The following FGF13 variants were observed in gnomAD, a reference collection of about 807,000 sequenced individuals.
FGF13 encodes the protein fibroblast growth factor homologous factor 2.
A neutral mutation model predicts 19.5 loss-of-function variants in FGF13; 2 were observed. The ratio of observed to expected loss-of-function variants is 0.10; its 90% CI spans 0.04 to 0.32. FGF13 has a LOEUF of 0.32. FGF13 is among the 10% of genes least tolerant of loss of function. The pLI is 1.00. For missense variants in FGF13, 113 were observed against 192.7 expected, an observed-to-expected ratio of 0.59 and a Z score of 2.45; for synonymous variants, 72 against 76.9, an observed-to-expected ratio of 0.94 and a Z score of 0.33.
chrX:138,857,856 A>G (rs146551556), intron 2 of FGF13, among the ~76,000 whole-genome samples: 82 of 112,169 alleles, frequency 7.3e-4, no homozygotes, highest in African/African-American at 2.5e-3. Context: ...TTAAAATACT[A>G]AAGCCGTGGA....
chrX:138,967,600 A>G (rs2091900287), intron 1 of FGF13, among the ~76,000 whole-genome samples: 1 of 110,646 alleles, frequency 9.0e-6, no homozygotes, highest in Non-Finnish European at 1.9e-5. Flanking sequence ...TCCTGCGGGG[A>G]GGGTGGATTA....
chrX:138,718,955 G>T (rs1245283991), intron 1 of FGF13, among the ~76,000 whole-genome samples: 1 of 112,079 alleles, frequency 8.9e-6, no homozygotes, highest in Admixed American at 9.4e-5. Context: ...AACATGTAAG[G>T]TAGGTATTAT....
At chrX:138,763,578 T>A (rs2090482633) in intron 3 of FGF13, among the ~76,000 whole-genome samples, 1 of 112,189 alleles carries the variant, frequency 8.9e-6, no homozygotes, top group Non-Finnish European at 1.9e-5. Flanking sequence ...AGTGTTCTGG[T>A]AACAGTTAAT....
intron 1 of FGF13, among the ~76,000 whole-genome samples, chrX:138,934,753 A>T (rs1229855626): frequency 1.8e-5 from 2 of 112,091 alleles, no homozygotes; most frequent in Non-Finnish European, 3.8e-5. Context: ...ATTGATCCTC[A>T]TCCTCATACA....
chrX:139,173,097 A>G (rs2084147068), intron 1 of FGF13, among the ~76,000 whole-genome samples: 1 of 112,288 alleles, frequency 8.9e-6, no homozygotes, highest in Non-Finnish European at 1.9e-5. Flanking sequence ...GCAAGTGCCA[A>G]CGAATACCAG....
chrX:138,999,381 A>AG (rs1256275690), intron 1 of FGF13, among the ~76,000 whole-genome samples: 2 of 111,789 alleles, frequency 1.8e-5, no homozygotes, highest in Non-Finnish European at 3.8e-5. Flanking sequence ...CCTTCAAAAA[A>AG]TCAATGAATC....
In FGF13 at chrX:139,054,960, G is replaced by C. The variant is rs144638708; in HGVS notation, c.-113+148456C>G. Among the ~76,000 whole-genome samples the C allele has an allele frequency of 4.8e-3, 519 of 107,258 alleles. 2 individuals carry two copies. Among genetic ancestry groups the C allele is most frequent in the African/African-American group, 0.017 (493 of 28,244 alleles). 93.1% of individuals were successfully genotyped at this position (107,258 alleles called of 115,157 possible). ...TTTTGCAGCTATTGTAAAAGGGGTT[G>C]AGTTCTTGATTTGATCCTCCGCTTG... is the stretch of plus-strand genomic sequence containing the variant. On this transcript the variant is annotated intron_variant, in intron 1 of 2. Transcript: ENST00000421460.
chrX:138,944,018 T>C (rs1370319764), intron 1 of FGF13, among the ~76,000 whole-genome samples: 1 of 111,533 alleles, frequency 9.0e-6, no homozygotes, highest in Non-Finnish European at 1.9e-5. Context: ...TTGTATCTCC[T>C]ATACTTAAGT....
upstream of FGF13, chrX:138,715,999 A>G (rs1160955931): frequency 8.9e-6 from 1 of 112,049 alleles, no homozygotes; most frequent in East Asian, 2.8e-4. Context: ...AAATGAGAGA[A>G]CTCAGACAGC....
At chrX:138,661,812 C>T (rs1186454454) in intron 3 of FGF13, among the ~76,000 whole-genome samples, 1 of 111,172 alleles carries the variant, frequency 9.0e-6, no homozygotes, top group African/African-American at 3.3e-5. Flanking sequence ...TGTTTTATTT[C>T]GTTTGATAAT....
At position 139,054,224 on chromosome X, in the gene FGF13, G is replaced by A. The variant is rs192110124; in HGVS notation, c.-113+149192C>T. Among the ~76,000 whole-genome samples, 573 of 97,250 alleles carry A rather than the reference G, an allele frequency of 5.9e-3. 5 individuals carry two copies. Among genetic ancestry groups the A allele is most frequent in the African/African-American group, 0.021 (540 of 25,934 alleles). The allele number at this position is 97,250 out of a possible 115,157, so 84.4% of individuals were successfully genotyped here. On this transcript the variant is annotated intron_variant, in intron 1 of 2. Transcript: ENST00000421460. ...TGCAAACTCCGCCTCCCGGGTTCAC[G>A]CCATTCTCCTGCCTCAGCCTCCCGA...
chrX:138,677,749 A>T (rs2124184136), intron 3 of FGF13, among the ~76,000 whole-genome samples: 1 of 112,583 alleles, frequency 8.9e-6, no homozygotes, highest in Admixed American at 9.3e-5. Context: ...AACTAGTTCA[A>T]CCATTGTGGA....
chrX:138,694,255 A>G (rs1014683339), intron 3 of FGF13, among the ~76,000 whole-genome samples: 2 of 110,958 alleles, frequency 1.8e-5, no homozygotes, highest in African/African-American at 6.6e-5. Flanking sequence ...CCAACCCCCT[A>G]CTCATGGTAT....
chrX:138,857,847 TAA>T (rs2091267513), intron 2 of FGF13, among the ~76,000 whole-genome samples: 1 of 112,165 alleles, frequency 8.9e-6, no homozygotes, highest in Non-Finnish European at 1.9e-5. Flanking sequence ...GGGCTTAGTT[TAA>T]AATACTAAAG....
chrX:138,934,657 T>C (rs1323541820), intron 1 of FGF13, among the ~76,000 whole-genome samples: 2 of 112,503 alleles, frequency 1.8e-5, no homozygotes, highest in African/African-American at 6.5e-5. Flanking sequence ...TGTGATTTGG[T>C]TGCTTAGTAG....
intron 3 of FGF13, among the ~76,000 whole-genome samples, chrX:138,847,710 C>A (rs1418979429): frequency 8.9e-6 from 1 of 112,120 alleles, no homozygotes; most frequent in African/African-American, 3.2e-5. Flanking sequence ...GTTTAAAATG[C>A]TAGGAATGAT....
At chrX:138,860,032 A>G (rs1389665249) in intron 2 of FGF13, among the ~76,000 whole-genome samples, 1 of 110,749 alleles carries the variant, frequency 9.0e-6, no homozygotes, top group African/African-American at 3.3e-5. Context: ...ATGTCAGTCA[A>G]TTCAAGCAAA....
chrX:138,933,690 T>C (rs1228235236), intron 1 of FGF13, among the ~76,000 whole-genome samples: 1 of 97,784 alleles, frequency 1.0e-5, no homozygotes, highest in Non-Finnish European at 2.2e-5. Context: ...TTATGCGAAT[T>C]GGTCTTTATG....
At chrX:138,807,738 G>C (rs949353724) in intron 3 of FGF13, among the ~76,000 whole-genome samples, 4 of 111,370 alleles carry the variant, frequency 3.6e-5, no homozygotes, top group African/African-American at 1.3e-4. Flanking sequence ...AAAATAAAAG[G>C]ATGGAGGAAG....
Sources: gnomAD v4.1 joint callset for allele counts (sites outside exome capture counted in the v4.1 genomes callset) on GRCh38, gnomAD v4.1.1 for gene constraint, MANE v1.5 for transcripts, NCBI Gene and HGNC (gene_info 2026-07-23, HGNC 2026-07-21) for gene names.